The following TMEM98 variants were observed in gnomAD, a reference collection of about 807,000 sequenced individuals.
The protein encoded by TMEM98 is transmembrane protein 98.
Under a neutral mutation model 25.0 loss-of-function variants are expected in TMEM98, and 18 were observed. The ratio of observed to expected loss-of-function variants is 0.72; its 90% CI spans 0.50 to 1.07. The LOEUF is 1.07. Among genes scored for constraint, TMEM98 ranks in the 50% least tolerant of loss-of-function variants. The probability of loss-of-function intolerance (pLI) is 0.00; values close to 1 mark genes in which losing one functional copy is unlikely to be tolerated. For synonymous variants in TMEM98, 103 were observed against 112.4 expected (o/e 0.92, Z 0.53); for missense variants, 241 against 289.0 (o/e 0.83, Z 1.20).
rs957671058 is a variant in TMEM98 at position 32,943,099 on chromosome 17, C to T, written c.*2106C>T. The T allele has an allele frequency of 8.5e-5, 13 of 152,500 alleles. No homozygotes were observed. Among genetic ancestry groups the T allele is most frequent in the African/African-American group, 3.1e-4 (13 of 41,574 alleles). 9.4% of individuals were successfully genotyped at this position (152,500 alleles called of 1,614,324 possible). ...TTACCTTCTCTGAGTCCTGGCAAGT[C>T]CTGGCACATTGGCTTTCTGGATCCC... On this transcript the variant is annotated 3_prime_UTR_variant, in exon 8 of 8. Transcript: ENST00000579849.
At chr17:32,937,507 T>TA (rs760453844) in intron 6 of TMEM98, among the ~76,000 whole-genome samples, 5 of 152,170 alleles carry the variant, frequency 3.3e-5, no homozygotes, top group Non-Finnish European at 7.3e-5. Flanking sequence ...CAGTGGGCTG[T>TA]AGCCACATGG....
chr17:32,934,510 A>G (rs1171754080), intron 5 of TMEM98, 186 bp downstream of exon 5: 4 of 633,628 alleles, frequency 6.3e-6, no homozygotes, highest in South Asian at 5.9e-5. Context: ...CAGAATCTCA[A>G]GGCTGTTTCA....
At position 32,937,290 on chromosome 17, in the gene TMEM98, G is replaced by A. The variant is rs925945825; in HGVS notation, c.413+843G>A. ...GTTGCCATGGCCCCAGGTAAATCAC[G>A]AGGAACCAGCCCTTTCTCTGCCTCA... On this transcript the variant is annotated intron_variant, in intron 6 of 7. Transcript: ENST00000579849. Among the ~76,000 whole-genome samples, 5 of 152,244 alleles carry A rather than the reference G, an allele frequency of 3.3e-5. No homozygotes were observed. The South Asian group carries it at 6.2e-4, about 19-fold the overall frequency.
At position 32,942,254 on chromosome 17, in the gene TMEM98, A is replaced by G. The variant is rs2091534946; in HGVS notation, c.*1261A>G. On this transcript the variant is annotated 3_prime_UTR_variant, in exon 8 of 8. Coordinates refer to ENST00000579849, the MANE Select transcript of TMEM98 (RefSeq NM_015544.3). ...AATCACAATTATATAATTTGGATAC[A>G]TACCCAAATGGCATAATTTCTGTCA... The G allele has an allele frequency of 6.6e-6, 1 of 152,258 alleles. No homozygotes were observed. Among genetic ancestry groups the G allele is most frequent in the African/African-American group, 2.4e-5 (1 of 41,468 alleles). The allele number at this position is 152,258 out of a possible 1,614,324, so 9.4% of individuals were successfully genotyped here.
Position 32,934,308 on chromosome 17 carries a change from G to T in TMEM98, c.281G>T (p.Cys94Phe). 6.2e-7 allele frequency: 1 copy of T among 1,614,122 alleles called. No individual in the cohort carries two copies. The highest frequency in any genetic ancestry group is 8.5e-7 in the Non-Finnish European group (1 of 1,180,014). The change falls in exon 5 of 8, where the codon TGC (cysteine) becomes TTC (phenylalanine). Residue 94 changes from cysteine to phenylalanine, a missense_variant. Transcript: ENST00000579849. ...TTCCCCAGGGGTCTCATGTCCCACT[G>T]CATTGCCATCTTGAAGGTAACCCTC... ...IEDASGLMSH[C>F]IAILKICHTL...
chr17:32,934,359 T>G lies in TMEM98; in HGVS notation c.297+35T>G, dbSNP rs761422928. 1.5e-5 allele frequency: 25 copies of G among 1,612,938 alleles called. No homozygotes were observed. In the Admixed American group the frequency reaches 4.0e-4, roughly 26 times the overall value. On this transcript the variant is annotated intron_variant, in intron 5 of 7. Coordinates refer to ENST00000579849, the MANE Select transcript of TMEM98 (RefSeq NM_015544.3). Reference sequence around the variant, plus strand: ...TCTTATTTCTCTGTGGGATAAAGGGTAGTCGAAAAGCACCACTGTGCGTGG... The same window carrying G: ...TCTTATTTCTCTGTGGGATAAAGGGGAGTCGAAAAGCACCACTGTGCGTGG...
chr17:32,933,969 C>T (rs943133461), intron 4 of TMEM98, among the ~76,000 whole-genome samples: 2 of 152,076 alleles, frequency 1.3e-5, no homozygotes, highest in African/African-American at 4.8e-5. Flanking sequence ...GGAGGAGTTC[C>T]CCAGTCTGAG....
At position 32,936,399 on chromosome 17, in the gene TMEM98, C is replaced by T; in HGVS notation, c.365C>T (p.Ser122Leu). The T allele has an allele frequency of 6.2e-7, 1 of 1,614,212 alleles. No individual in the cohort carries two copies. The highest frequency in any genetic ancestry group is 1.7e-5 in the Admixed American group (1 of 60,024). Residue 122 changes from serine to leucine, a missense_variant, in exon 6 of 8, where the codon TCA becomes TTA. Coordinates refer to ENST00000579849, the MANE Select transcript of TMEM98 (RefSeq NM_015544.3). ...TMGSGAKMKT[S>L]ASVSDIIVVA... ...GGCTCTGGGGCCAAGATGAAGACTT[C>T]AGCCAGTGTCAGCGACATCATTGTG...
At chr17:32,930,924 G>C (rs908714495) in intron 1 of TMEM98, 2 of 152,086 alleles carry the variant, frequency 1.3e-5, no homozygotes, top group Non-Finnish European at 2.9e-5. Context: ...TTTTAAGGCC[G>C]GGCTCGGTGT....
At chr17:32,929,172 CAG>C (rs2091451726) in intron 1 of TMEM98, among the ~76,000 whole-genome samples, 1 of 151,442 alleles carries the variant, frequency 6.6e-6, no homozygotes, top group African/African-American at 2.4e-5. Flanking sequence ...AGCTAACACT[CAG>C]AAACACACTC....
chr17:32,933,788 G>T lies in TMEM98; in HGVS notation c.263+483G>T, dbSNP rs539734162. Among the ~76,000 whole-genome samples the T allele has an allele frequency of 2.0e-5, 3 of 152,308 alleles. No individual in the cohort carries two copies. In the South Asian group the frequency reaches 6.2e-4, roughly 32 times the overall value. ...AGGTGCTGCAGATATTGAAACGGTT[G>T]AAAAGACAGTTATAGTCAGTATCAC... On this transcript the variant is annotated intron_variant, in intron 4 of 7. Coordinates refer to ENST00000579849, the MANE Select transcript of TMEM98 (RefSeq NM_015544.3).
At chr17:32,938,410 A>G in intron 6 of TMEM98, among the ~76,000 whole-genome samples, 1 of 151,976 alleles carries the variant, frequency 6.6e-6, no homozygotes, top group East Asian at 1.9e-4. Flanking sequence ...GCCGTGAATA[A>G]GAGTGTTTGA....
chr17:32,941,815 G>C lies in TMEM98; in HGVS notation c.*822G>C, dbSNP rs965651570. The C allele has an allele frequency of 6.6e-6, 1 of 152,258 alleles. No individual in the cohort carries two copies. The highest frequency in any genetic ancestry group is 2.4e-5 in the African/African-American group (1 of 41,428). The allele number at this position is 152,258 out of a possible 1,614,324, so 9.4% of individuals were successfully genotyped here. Reference sequence around the variant, plus strand: ...ACCTGTAATCCTCGCACTTTGGGAGGCTAAGGTGGGTGGATTGCTTGAGCC... The same window carrying C: ...ACCTGTAATCCTCGCACTTTGGGAGCCTAAGGTGGGTGGATTGCTTGAGCC... On this transcript the variant is annotated 3_prime_UTR_variant, in exon 8 of 8. Coordinates refer to ENST00000579849, the MANE Select transcript of TMEM98 (RefSeq NM_015544.3).
At chr17:32,930,440 CAAAT>C (rs1313636079) in intron 1 of TMEM98, among the ~76,000 whole-genome samples, 6 of 152,126 alleles carry the variant, frequency 3.9e-5, no homozygotes, top group Non-Finnish European at 7.4e-5. Flanking sequence ...CTTTTGTACA[CAAAT>C]AAAAGAATTC....
intron 7 of TMEM98, 145 bp downstream of exon 7, chr17:32,939,681 A>G: frequency 1.1e-6 from 1 of 928,286 alleles, no homozygotes; most frequent in Non-Finnish European, 1.7e-6. Context: ...CGTGCCATTT[A>G]CTTCAGTGAG....
intron 6 of TMEM98, among the ~76,000 whole-genome samples, chr17:32,936,988 G>T (rs2091500029): frequency 6.6e-6 from 1 of 152,268 alleles, no homozygotes; most frequent in Non-Finnish European, 1.5e-5. Flanking sequence ...GAAATCCCGT[G>T]TGGGAGGCAA....
rs2091535977 is a variant in TMEM98 at position 32,942,466 on chromosome 17, G to T, written c.*1473G>T. On this transcript the variant is annotated 3_prime_UTR_variant, in exon 8 of 8. Transcript: ENST00000579849. The stretch of plus-strand genomic sequence containing the variant: ...CTGAAGTCAGAAAATTCCTCAGCTG[G>T]ATTCTGGGGAACCAGGAACCCATAT... 6.6e-6 allele frequency: 1 copy of T among 152,242 alleles called. No individual in the cohort carries two copies. Among genetic ancestry groups the T allele is most frequent in the African/African-American group, 2.4e-5 (1 of 41,466 alleles). The allele number at this position is 152,242 out of a possible 1,614,324, so 9.4% of individuals were successfully genotyped here. A position where few individuals can be genotyped will look rare whatever the true frequency, so the allele number is the denominator to read the frequency against.
intron 1 of TMEM98, among the ~76,000 whole-genome samples, chr17:32,928,560 G>A (rs1223521371): frequency 6.6e-6 from 1 of 151,806 alleles, no homozygotes; most frequent in East Asian, 2.0e-4. Flanking sequence ...AGGGGAAGGG[G>A]GAAAGTAAGG....
At chr17:32,940,712 T>C (rs2151115344) in intron 7 of TMEM98, 74 bp from the exon 8 acceptor site, 2 of 1,413,740 alleles carry the variant, frequency 1.4e-6, no homozygotes, top group Non-Finnish European at 1.9e-6. Context: ...AGTCAAAAAG[T>C]CTATCTATTT....
Sources: gnomAD v4.1 joint callset for allele counts (sites outside exome capture counted in the v4.1 genomes callset) on GRCh38, gnomAD v4.1.1 for gene constraint, MANE v1.5 for transcripts, NCBI Gene and HGNC (gene_info 2026-07-23, HGNC 2026-07-21) for gene names.